Variants in PTPN4 observed in about 807,000 individuals in gnomAD.
PTPN4 encodes tyrosine-protein phosphatase non-receptor type 4.
A neutral mutation model predicts 135.5 loss-of-function variants in PTPN4; 49 were observed. That is an observed-to-expected ratio of 0.36 (90% CI 0.29 to 0.46). The LOEUF (loss-of-function observed/expected upper bound fraction) is 0.46. PTPN4 is among the 20% of genes least tolerant of loss of function. The pLI is 1.00. For missense variants in PTPN4, 860 were observed against 1,101.0 expected, an observed-to-expected ratio of 0.78 and a Z score of 3.10; for synonymous variants, 333 against 369.9, an observed-to-expected ratio of 0.90 and a Z score of 1.14.
intron 9 of PTPN4, among the ~76,000 whole-genome samples, chr2:119,887,291 C>T (rs1473665111): frequency 6.6e-6 from 1 of 152,054 alleles, no homozygotes; most frequent in Non-Finnish European, 1.5e-5. Flanking sequence ...GTGTTCAAGA[C>T]CAGCCTGGGA....
At chr2:119,881,676 A>G in intron 5 of PTPN4, 110 bp from the exon 6 acceptor site, 2 of 723,356 alleles carry the variant, frequency 2.8e-6, no homozygotes, top group East Asian at 3.0e-5. Context: ...GTAAATTATA[A>G]AAGCAAATAT....
intron 25 of PTPN4, among the ~76,000 whole-genome samples, 168 bp downstream of exon 25, chr2:119,965,813 G>C (rs1177475800): frequency 6.6e-6 from 1 of 152,182 alleles, no homozygotes; most frequent in African/African-American, 2.4e-5. Flanking sequence ...ATGATTGGCA[G>C]TAACTTTATC....
At chr2:119,792,734 C>T (rs1691171824) in intron 1 of PTPN4, among the ~76,000 whole-genome samples, 1 of 152,260 alleles carries the variant, frequency 6.6e-6, no homozygotes, top group African/African-American at 2.4e-5. Context: ...CCCTAAGTGT[C>T]AGCCGGTCTG....
At chr2:119,855,208 A>G (rs1677659087) in intron 2 of PTPN4, among the ~76,000 whole-genome samples, 1 of 152,166 alleles carries the variant, frequency 6.6e-6, no homozygotes, top group Non-Finnish European at 1.5e-5. Context: ...AAATCTCCAT[A>G]CAAGGGCATA....
chr2:119,860,442 T>G (rs1054574926), intron 2 of PTPN4, among the ~76,000 whole-genome samples: 2 of 152,214 alleles, frequency 1.3e-5, no homozygotes, highest in Non-Finnish European at 2.9e-5. Context: ...TGCTAAAGGC[T>G]CACGAATATA....
intron 2 of PTPN4, among the ~76,000 whole-genome samples, chr2:119,853,895 G>A (rs903170659): frequency 1.4e-4 from 21 of 152,168 alleles, no homozygotes; most frequent in East Asian, 3.9e-4. Flanking sequence ...TAAACAACAC[G>A]GACACATGTG....
chr2:119,818,196 A>G (rs921484272), intron 2 of PTPN4, among the ~76,000 whole-genome samples: 2 of 152,088 alleles, frequency 1.3e-5, no homozygotes, highest in African/African-American at 4.8e-5. Flanking sequence ...TTCCAATACT[A>G]TGTTGAATAG....
At chr2:119,789,442 T>C (rs1691101336) in intron 1 of PTPN4, among the ~76,000 whole-genome samples, 1 of 152,212 alleles carries the variant, frequency 6.6e-6, no homozygotes, top group Non-Finnish European at 1.5e-5. Flanking sequence ...GTCCAATTTA[T>C]CTGTTTTTTT....
intron 2 of PTPN4, among the ~76,000 whole-genome samples, chr2:119,819,115 T>C (rs1025304615): frequency 1.3e-5 from 2 of 152,158 alleles, no homozygotes; most frequent in Non-Finnish European, 2.9e-5. Flanking sequence ...AAACATTAAT[T>C]TTAGTTTTCT....
chr2:119,771,194 T>A (rs1452684651), intron 1 of PTPN4, among the ~76,000 whole-genome samples: 2 of 152,148 alleles, frequency 1.3e-5, no homozygotes, highest in African/African-American at 4.8e-5. Flanking sequence ...AGTGATGCCT[T>A]CTTGGACTTT....
At chr2:119,796,352 C>T (rs1175112516) in intron 1 of PTPN4, among the ~76,000 whole-genome samples, 1 of 152,228 alleles carries the variant, frequency 6.6e-6, no homozygotes, top group African/African-American at 2.4e-5. Flanking sequence ...CCTTCTCCCA[C>T]AGCTCCCCCA....
intron 9 of PTPN4, among the ~76,000 whole-genome samples, chr2:119,888,120 T>G (rs1343560465): frequency 6.6e-6 from 1 of 152,214 alleles, no homozygotes; most frequent in Non-Finnish European, 1.5e-5. Context: ...TTTTTGTAGC[T>G]ATTGTAAATG....
Position 119,933,735 on chromosome 2 carries a change from A to G in PTPN4, c.1197-1065A>G, listed in dbSNP as rs981932483. On this transcript the variant is annotated intron_variant, in intron 14 of 26. Transcript: ENST00000263708. ...ATCAGCTGAAGAATAAAGTTCTACC[A>G]TATCAGAACAGTTTATACATAAACA... Among the ~76,000 whole-genome samples, 13 of 152,192 alleles carry G rather than the reference A, an allele frequency of 8.5e-5. No homozygotes were observed. The Middle Eastern group carries it at 0.01, about 119-fold the overall frequency.
At chr2:119,934,650 T>C (rs1448676803) in intron 14 of PTPN4, 150 bp from the exon 15 acceptor site, 6 of 736,584 alleles carry the variant, frequency 8.1e-6, no homozygotes, top group Non-Finnish European at 1.3e-5. Flanking sequence ...TCCCTCTGTT[T>C]ATATCACACT....
intron 15 of PTPN4, among the ~76,000 whole-genome samples, chr2:119,939,556 C>T (rs1679032240): frequency 6.6e-6 from 1 of 152,178 alleles, no homozygotes; most frequent in Non-Finnish European, 1.5e-5. Context: ...CTGCCTCAGC[C>T]TCCCAAGTTG....
chr2:119,984,481 A>C lies in PTPN4; in HGVS notation c.*7411A>C, dbSNP rs1342345619. On this transcript the variant is annotated 3_prime_UTR_variant, in exon 27 of 27. Coordinates refer to ENST00000263708, the MANE Select transcript of PTPN4 (RefSeq NM_002830.4). ...ACCTTTCCCCCTATATCACAAAAAT[A>C]TCTCTTTCCATATGATCTCATAATT... Among the ~76,000 whole-genome samples, 1 of 152,208 alleles carries C rather than the reference A, an allele frequency of 6.6e-6. No homozygotes were observed. The highest frequency in any genetic ancestry group is 1.5e-5 in the Non-Finnish European group (1 of 68,034).
At chr2:119,941,948 AGT>A (rs1679067619) in intron 15 of PTPN4, among the ~76,000 whole-genome samples, 1 of 152,200 alleles carries the variant, frequency 6.6e-6, no homozygotes, top group Non-Finnish European at 1.5e-5. Flanking sequence ...GGCTTTATAC[AGT>A]GTTTGACAAC....
intron 2 of PTPN4, among the ~76,000 whole-genome samples, chr2:119,825,482 C>G (rs1481975596): frequency 2.7e-5 from 4 of 148,712 alleles, no homozygotes; most frequent in Non-Finnish European, 4.4e-5. Context: ...AGAGCCCAGG[C>G]TAGAACCCAA....
chr2:119,865,507 C>G (rs917751081), intron 3 of PTPN4, among the ~76,000 whole-genome samples: 1 of 152,026 alleles, frequency 6.6e-6, no homozygotes, highest in African/African-American at 2.4e-5. Flanking sequence ...GACTTGAACT[C>G]AGATCTAACT....
Sources: gnomAD v4.1 joint callset for allele counts (sites outside exome capture counted in the v4.1 genomes callset) on GRCh38, gnomAD v4.1.1 for gene constraint, MANE v1.5 for transcripts, NCBI Gene and HGNC (gene_info 2026-07-23, HGNC 2026-07-21) for gene names.